MANBA: variants seen among roughly 807,000 people sequenced by gnomAD.
The protein encoded by MANBA is beta-mannosidase.
Under a neutral mutation model 111.1 loss-of-function variants are expected in MANBA, and 83 were observed. That is an observed-to-expected ratio of 0.75 (90% CI 0.63 to 0.90). The LOEUF is 0.90. Among genes scored for constraint, MANBA ranks in the 40% least tolerant of loss-of-function variants. The probability of loss-of-function intolerance (pLI) is 0.00; values close to 1 mark genes in which losing one functional copy is unlikely to be tolerated. For synonymous variants in MANBA, 370 were observed against 378.7 expected (o/e 0.98, Z 0.27); for missense variants, 1,036 against 1,069.0 (o/e 0.97, Z 0.43).
intron 9 of MANBA, among the ~76,000 whole-genome samples, chr4:102,669,963 G>A (rs1731417837): frequency 6.6e-6 from 1 of 151,834 alleles, no homozygotes; most frequent in Admixed American, 6.6e-5. Context: ...CTGGGTGACA[G>A]AGCAAGACTC....
At chr4:102,632,761 C>T (rs1206501156) in intron 16 of MANBA, among the ~76,000 whole-genome samples, 1 of 152,254 alleles carries the variant, frequency 6.6e-6, no homozygotes, top group Admixed American at 6.5e-5. Context: ...TAGAGCTTAT[C>T]TCTTTTACTG....
intron 1 of MANBA, chr4:102,727,496 T>C (rs1722855482): frequency 6.5e-7 from 1 of 1,539,162 alleles, no homozygotes; most frequent in Admixed American, 1.7e-5. Context: ...GAAATGAGTC[T>C]TCTCACATCA....
intron 1 of MANBA, chr4:102,751,925 G>A (rs1723817797): frequency 1.5e-6 from 1 of 648,796 alleles, no homozygotes; most frequent in Admixed American, 1.9e-5. Context: ...GGAATAGAGA[G>A]AAACAAAGTG....
rs1311067638 is a variant in MANBA, at chr4:102,668,566, G to A, written c.1317+397C>T. 5 of 213,626 alleles carry A rather than the reference G, an allele frequency of 2.3e-5. No homozygotes were observed. In the South Asian group the frequency reaches 3.7e-4, roughly 16 times the overall value. 13.2% of individuals were successfully genotyped at this position (213,626 alleles called of 1,614,324 possible). A position where few individuals can be genotyped will look rare whatever the true frequency, so the allele number is the denominator to read the frequency against. On this transcript the variant is annotated intron_variant, in intron 10 of 16. Transcript: ENST00000647097. ...CAATAATCAATTTAAACTTTCTCCTGAGCAATTCAAACAGTGGTGTTGCTG... is the reference window on the plus strand; with the variant it reads ...CAATAATCAATTTAAACTTTCTCCTAAGCAATTCAAACAGTGGTGTTGCTG...
chr4:102,722,514 G>C (rs1578938158), intron 4 of MANBA: 1 of 291,920 alleles, frequency 3.4e-6, no homozygotes, highest in East Asian at 8.5e-5. Flanking sequence ...TTTGCAGAGG[G>C]CTTCCTAGAA....
At chr4:102,703,972 G>A (rs562042374) in intron 5 of MANBA, among the ~76,000 whole-genome samples, 1 of 152,214 alleles carries the variant, frequency 6.6e-6, no homozygotes, top group South Asian at 2.1e-4. Context: ...TCGAACACCT[G>A]TAGTACCAGC....
intron 5 of MANBA, among the ~76,000 whole-genome samples, chr4:102,708,107 C>T (rs575863598): frequency 6.6e-6 from 1 of 152,048 alleles, no homozygotes; most frequent in South Asian, 2.1e-4. Context: ...ATCATCTAGA[C>T]AAAAAATTAA....
At chr4:102,756,797 TAAAAAAAA>T (rs35787338) in intron 1 of MANBA, among the ~76,000 whole-genome samples, 1 of 72,006 alleles carries the variant, frequency 1.4e-5, no homozygotes, top group South Asian at 6.0e-4. Context: ...AGAGACTATC[TAAAAAAAA>T]AAAAAAAAAA....
intron 1 of MANBA, among the ~76,000 whole-genome samples, chr4:102,737,627 C>T (rs541456930): frequency 9.2e-5 from 14 of 152,186 alleles, no homozygotes; most frequent in Admixed American, 3.9e-4. Flanking sequence ...GGACCACAGG[C>T]GCCCGCCACC....
At chr4:102,723,249 C>A (rs548856637) in intron 3 of MANBA, among the ~76,000 whole-genome samples, 1 of 152,184 alleles carries the variant, frequency 6.6e-6, no homozygotes, top group East Asian at 1.9e-4. Flanking sequence ...TATTTTCCTA[C>A]CCAATCCAAG....
intron 1 of MANBA, among the ~76,000 whole-genome samples, chr4:102,740,145 A>G (rs1164529321): frequency 2.0e-5 from 3 of 152,196 alleles, no homozygotes; most frequent in Non-Finnish European, 4.4e-5. Context: ...CTATACACCA[A>G]CAGCGACCAA....
chr4:102,639,934 T>A, intron 13 of MANBA, 77 bp from the exon 14 acceptor site: 1 of 1,542,722 alleles, frequency 6.5e-7, no homozygotes, highest in Non-Finnish European at 9.0e-7. Flanking sequence ...ATACAGGGTT[T>A]AGTTTTGTTT....
intron 12 of MANBA, among the ~76,000 whole-genome samples, chr4:102,653,377 A>T (rs1442685067): frequency 1.3e-5 from 2 of 152,200 alleles, no homozygotes; most frequent in African/African-American, 2.4e-5. Context: ...GTCATATTCA[A>T]TCCAGTTCTG....
chr4:102,651,460 A>G (rs184967600), intron 12 of MANBA, among the ~76,000 whole-genome samples: 1 of 152,264 alleles, frequency 6.6e-6, no homozygotes, highest in East Asian at 1.9e-4. Flanking sequence ...AAAGAGAAAA[A>G]AGCAATAATT....
intron 1 of MANBA, among the ~76,000 whole-genome samples, chr4:102,755,863 A>C (rs558675935): frequency 3.3e-5 from 5 of 152,324 alleles, no homozygotes; most frequent in African/African-American, 1.2e-4. Flanking sequence ...GCCAAAAGAC[A>C]CATGAAAAAA....
At chr4:102,660,873 A>T (rs531547856) in intron 11 of MANBA, among the ~76,000 whole-genome samples, 43 of 151,572 alleles carry the variant, frequency 2.8e-4, no homozygotes, top group African/African-American at 1.0e-3. Context: ...CTTGTTTAGA[A>T]CCTCTCACCT....
intron 1 of MANBA, among the ~76,000 whole-genome samples, chr4:102,735,412 C>T (rs1399835395): frequency 1.3e-5 from 2 of 148,302 alleles, no homozygotes; most frequent in Non-Finnish European, 3.0e-5. Context: ...ATTCCCTAAC[C>T]AGAGAGAGTT....
intron 14 of MANBA, among the ~76,000 whole-genome samples, chr4:102,638,835 T>C (rs1356724679): frequency 6.6e-6 from 1 of 152,164 alleles, no homozygotes; most frequent in Non-Finnish European, 1.5e-5. Flanking sequence ...TTGGAATGAA[T>C]TTCTTTTGAT....
At chr4:102,754,065 T>G in intron 1 of MANBA, 2 of 265,122 alleles carry the variant, frequency 7.5e-6, no homozygotes, top group South Asian at 6.0e-5. Flanking sequence ...GAAGATGAAT[T>G]AGAAATGCCC....
Sources: gnomAD v4.1 joint callset for allele counts (sites outside exome capture counted in the v4.1 genomes callset) on GRCh38, gnomAD v4.1.1 for gene constraint, MANE v1.5 for transcripts, NCBI Gene and HGNC (gene_info 2026-07-23, HGNC 2026-07-21) for gene names.